Variants in MINDY4B observed in about 807,000 individuals in gnomAD.
MINDY4B encodes inactive ubiquitin carboxyl-terminal hydrolase MINDY-4B.
A neutral mutation model predicts 16.7 loss-of-function variants in MINDY4B; 25 were observed. The ratio of observed to expected loss-of-function variants is 1.49; its 90% CI spans 1.09 to 2.09. The LOEUF is 2.09. Among genes scored for constraint, MINDY4B ranks in the 30% most tolerant of loss-of-function variants. The pLI is 0.00. For synonymous variants in MINDY4B, 132 were observed against 61.9 expected (o/e 2.13, Z -5.32); for missense variants, 327 against 168.4 (o/e 1.94, Z -5.21).
In MINDY4B at chr3:150,873,240, A is replaced by C; in HGVS notation, c.1187T>G (p.Leu396Arg). ...SDWKMERLFD[L>R]YFYSGQPSQK... The stretch of plus-strand genomic sequence containing the variant: ...TGAGGGTTGGCCACTGTAAAAGTAC[A>C]GATCAAAGAGACGTTCCATTTTCCA... Residue 396 changes from leucine to arginine, a missense_variant, in exon 11 of 12, where the codon CTG becomes CGG. Physicochemically the swap from Leu to Arg is moderately radical, Grantham distance 102. Transcript: ENST00000465419. 1 of 703,290 alleles carries C rather than the reference A, an allele frequency of 1.4e-6. No individual in the cohort carries two copies. The highest frequency in any genetic ancestry group is 1.5e-5 in the South Asian group (1 of 67,594). The allele number at this position is 703,290 out of a possible 1,614,324, so 43.6% of individuals were successfully genotyped here.
Position 150,900,770 on chromosome 3 carries a change from C to T in MINDY4B, c.309+2479G>A, listed in dbSNP as rs1310137094. Among the ~76,000 whole-genome samples, 3 of 152,152 alleles carry T rather than the reference C, an allele frequency of 2.0e-5. No homozygotes were observed. The East Asian group carries it at 5.8e-4, about 29-fold the overall frequency. ...TACCTTGGCATAGTCATGGGGCGGT[C>T]CCCAGTTGCTTCATGTTTGTGTTTG... On this transcript the variant is annotated intron_variant, in intron 3 of 11. Transcript: ENST00000465419.
At chr3:150,880,600 C>A (rs1167843693) in intron 10 of MINDY4B, among the ~76,000 whole-genome samples, 1 of 152,154 alleles carries the variant, frequency 6.6e-6, no homozygotes, top group Non-Finnish European at 1.5e-5. Context: ...AGCACAGAGA[C>A]ATGAAAAAGC....
At chr3:150,892,974 G>A (rs1711855018) in intron 5 of MINDY4B, among the ~76,000 whole-genome samples, 1 of 150,958 alleles carries the variant, frequency 6.6e-6, no homozygotes, top group African/African-American at 2.4e-5. Context: ...GATCATTTAT[G>A]GGGTTTTTAT....
chr3:150,892,056 C>T (rs1711829152), intron 5 of MINDY4B, among the ~76,000 whole-genome samples: 1 of 152,184 alleles, frequency 6.6e-6, no homozygotes, highest in Admixed American at 6.5e-5. Context: ...GAGATGGACT[C>T]ATCCTCCAGC....
chr3:150,897,968 T>A (rs950816424), intron 3 of MINDY4B, among the ~76,000 whole-genome samples: 1 of 152,176 alleles, frequency 6.6e-6, no homozygotes, highest in Admixed American at 6.5e-5. Flanking sequence ...TGCTCCCAAC[T>A]CAAGGGCAAA....
intron 9 of MINDY4B, 67 bp from the exon 10 acceptor site, chr3:150,883,125 C>T (rs1711548979): frequency 1.8e-6 from 1 of 544,800 alleles, no homozygotes; most frequent in Non-Finnish European, 3.3e-6. Context: ...AATTTTTTCT[C>T]TTAAAAATCA....
intron 3 of MINDY4B, chr3:150,901,357 T>C (rs572117625): frequency 6.6e-6 from 1 of 152,242 alleles, no homozygotes; most frequent in Non-Finnish European, 1.5e-5. Flanking sequence ...CTATATAAGA[T>C]ACAAGTTAAG....
At chr3:150,884,440 A>G (rs1026702064) in intron 8 of MINDY4B, among the ~76,000 whole-genome samples, 38 of 152,322 alleles carry the variant, frequency 2.5e-4, no homozygotes, top group African/African-American at 8.9e-4. Context: ...GTGGCATCAG[A>G]TACAACTCAG....
intron 3 of MINDY4B, among the ~76,000 whole-genome samples, chr3:150,896,761 G>A (rs1711980057): frequency 6.6e-6 from 1 of 152,162 alleles, no homozygotes; most frequent in Non-Finnish European, 1.5e-5. Flanking sequence ...ATGGATACCA[G>A]CACCTGTTCT....
At chr3:150,902,172 G>A (rs929823415) in intron 3 of MINDY4B, among the ~76,000 whole-genome samples, 7 of 152,268 alleles carry the variant, frequency 4.6e-5, no homozygotes, top group Admixed American at 3.3e-4. Flanking sequence ...TGTGCAACTC[G>A]ATGTACATGG....
intron 3 of MINDY4B, among the ~76,000 whole-genome samples, chr3:150,900,930 C>A (rs1712100145): frequency 6.6e-6 from 1 of 152,166 alleles, no homozygotes; most frequent in South Asian, 2.1e-4. Context: ...ATAGTATATT[C>A]ATGTGGTTCA....
chr3:150,876,631 A>G (rs1177417424), intron 10 of MINDY4B, among the ~76,000 whole-genome samples: 1 of 152,146 alleles, frequency 6.6e-6, no homozygotes, highest in Non-Finnish European at 1.5e-5. Context: ...GTACTGCTTC[A>G]CTGGGTACTT....
At chr3:150,894,055 C>T (rs1329438041) in intron 4 of MINDY4B, 131 bp downstream of exon 4, 2 of 512,038 alleles carry the variant, frequency 3.9e-6, no homozygotes, top group African/African-American at 1.9e-5. Context: ...TAAGGTTAAA[C>T]TTTACATTAT....
rs895425264 is a variant in MINDY4B at position 150,876,791 on chromosome 3, G to C, written c.1060-3424C>G. Among the ~76,000 whole-genome samples the C allele has an allele frequency of 4.6e-5, 7 of 152,180 alleles. No individual in the cohort carries two copies. In the East Asian group the frequency reaches 1.3e-3, roughly 29 times the overall value. On this transcript the variant is annotated intron_variant, in intron 10 of 11. Transcript: ENST00000465419. ...TGGCTTCAGTCCCTGAAAAATCAGAGTGGATTTTTCTTCTCAGTGGCAGGT... is the reference window on the plus strand; with the variant it reads ...TGGCTTCAGTCCCTGAAAAATCAGACTGGATTTTTCTTCTCAGTGGCAGGT...
intron 3 of MINDY4B, among the ~76,000 whole-genome samples, chr3:150,894,696 C>G (rs1351172929): frequency 1.3e-5 from 2 of 152,210 alleles, no homozygotes; most frequent in Non-Finnish European, 2.9e-5. Flanking sequence ...CAAGCATTCT[C>G]TCTGTCCCAG....
chr3:150,883,181 T>C (rs538186162), intron 9 of MINDY4B, 123 bp from the exon 10 acceptor site: 6 of 571,918 alleles, frequency 1.0e-5, no homozygotes, highest in Non-Finnish European at 1.9e-5. Context: ...ATGATACATA[T>C]TTCAGGAAAA....
intron 3 of MINDY4B, among the ~76,000 whole-genome samples, chr3:150,896,815 T>C (rs969418135): frequency 6.6e-6 from 1 of 152,184 alleles, no homozygotes; most frequent in African/African-American, 2.4e-5. Flanking sequence ...TTAATACTTT[T>C]CACCAGCTTG....
intron 3 of MINDY4B, among the ~76,000 whole-genome samples, chr3:150,896,901 T>C (rs917826700): frequency 2.0e-5 from 3 of 152,216 alleles, no homozygotes; most frequent in African/African-American, 7.2e-5. Flanking sequence ...GAAATCAAAA[T>C]CATTTGCCAC....
At chr3:150,887,392 A>G (rs954804760) in intron 7 of MINDY4B, among the ~76,000 whole-genome samples, 1 of 152,244 alleles carries the variant, frequency 6.6e-6, no homozygotes, top group Non-Finnish European at 1.5e-5. Context: ...ATAGTTGACC[A>G]GGGTAATGGA....
Sources: allele counts gnomAD v4.1 joint callset (sites outside exome capture counted in the v4.1 genomes callset), GRCh38; gene constraint gnomAD v4.1.1; transcripts MANE v1.5; gene names NCBI Gene and HGNC (gene_info 2026-07-23, HGNC 2026-07-21).